F13A1: variants seen among roughly 807,000 people sequenced by gnomAD.
The protein encoded by F13A1 is FSF, A subunit.
F13A1 carries 47 observed loss-of-function variants against 80.1 expected under a neutral mutation model. The observed-to-expected ratio is 0.59, with a 90% CI of 0.46 to 0.75. F13A1 has a LOEUF of 0.75. Among genes scored for constraint, F13A1 ranks in the 30% least tolerant of loss-of-function variants. The pLI, the probability that F13A1 is intolerant of heterozygous loss-of-function variation, is 0.00. For missense variants in F13A1, 817 were observed against 930.4 expected (o/e 0.88, Z 1.59); for synonymous variants, 349 against 344.9 (o/e 1.01, Z -0.13).
Position 6,305,386 on chromosome 6 carries a change from G to T in F13A1, c.284C>A (p.Pro95His). 1 of 1,614,140 alleles carries T rather than the reference G, an allele frequency of 6.2e-7. No individual in the cohort carries two copies. Among genetic ancestry groups the T allele is most frequent in the Non-Finnish European group, 8.5e-7 (1 of 1,180,014 alleles). The change falls in exon 3 of 15, where the codon CCC (proline) becomes CAC (histidine). Residue 95 changes from proline (P) to histidine (H), a missense_variant. Pro to His is a moderately conservative substitution (Grantham distance 77). Coordinates refer to ENST00000264870, the MANE Select transcript of F13A1 (RefSeq NM_000129.4). The part of the protein sequence containing the change: ...VQIDFSRPYD[P>H]RRDLFRVEYV... ...TTCCACCCTGAAGAGATCCCTTCTGGGGTCATATGGACGACTGAAGTCAAT... is the reference window on the plus strand; with the variant it reads ...TTCCACCCTGAAGAGATCCCTTCTGTGGTCATATGGACGACTGAAGTCAAT...
At chr6:6,293,473 C>T (rs1758261325) in intron 3 of F13A1, among the ~76,000 whole-genome samples, 1 of 151,734 alleles carries the variant, frequency 6.6e-6, no homozygotes, top group Non-Finnish European at 1.5e-5. Context: ...CTGCAGACTC[C>T]CAGGGCATTT....
Position 6,266,669 on chromosome 6 carries a change from TA to T in F13A1, c.459del (p.Cys153Ter). 6.2e-7 allele frequency: 1 copy of T among 1,614,170 alleles called. No individual in the cohort carries two copies. Among genetic ancestry groups the T allele is most frequent in the Non-Finnish European group, 8.5e-7 (1 of 1,180,042 alleles). On this transcript the variant is annotated frameshift_variant, in exon 4 of 15. Transcript: ENST00000264870. LOFTEE classifies it high-confidence loss of function. Reference protein sequence around the residue: ...VRLSIQSSPKCIVGKFRMYVA... With the variant: ...VRLSIQSSPKXIVGKFRMYVA... ...ACATACATGCGGAATTTCCCCACAATACATTTGGGGGAAGACTGGATGGACA... is the reference window on the plus strand; with the variant it reads ...ACATACATGCGGAATTTCCCCACAATCATTTGGGGGAAGACTGGATGGACA...
In F13A1 at chr6:6,318,531, A is replaced by G; in HGVS notation, c.130+4T>C. On this transcript the variant is annotated splice_donor_region_variant and intron_variant, in intron 2 of 14. Coordinates refer to ENST00000264870, the MANE Select transcript of F13A1 (RefSeq NM_000129.4). ...AGTGGTGGGGAAGGGGGGTATGCTC[A>G]TACCTTGCAGGTTGACGCCCCGGGG... is the stretch of plus-strand genomic sequence containing the variant. 1.2e-6 allele frequency: 2 copies of G among 1,613,128 alleles called. No individual in the cohort carries two copies. Among genetic ancestry groups the G allele is most frequent in the Non-Finnish European group, 1.7e-6 (2 of 1,179,724 alleles).
chr6:6,184,455 C>T (rs571361131), intron 10 of F13A1, among the ~76,000 whole-genome samples: 1 of 152,312 alleles, frequency 6.6e-6, no homozygotes, highest in East Asian at 1.9e-4. Context: ...AGCCAGAACT[C>T]AGGGGTGCTA....
At chr6:6,213,323 C>T (rs1441022021) in intron 8 of F13A1, among the ~76,000 whole-genome samples, 8 of 152,006 alleles carry the variant, frequency 5.3e-5, no homozygotes, top group Admixed American at 3.3e-4. Context: ...AGACTAACAG[C>T]GGATCTCTCG....
At chr6:6,175,911 T>C (rs12210959) in intron 11 of F13A1, among the ~76,000 whole-genome samples, 28,571 of 152,162 alleles carry the variant, frequency 0.19, 3,227 homozygotes, top group Non-Finnish European at 0.27. Context: ...AGGCAGAAAA[T>C]ACAGATACAA....
chr6:6,211,118 C>G (rs574782943), intron 8 of F13A1, among the ~76,000 whole-genome samples: 100 of 152,298 alleles, frequency 6.6e-4, no homozygotes, highest in African/African-American at 2.3e-3. Context: ...TGGCTGGGAC[C>G]TTGGTTAAGT....
intron 8 of F13A1, among the ~76,000 whole-genome samples, chr6:6,207,941 C>A (rs184435817): frequency 2.0e-4 from 30 of 152,268 alleles, no homozygotes; most frequent in Admixed American, 1.9e-3. Context: ...AACAGGAAAT[C>A]TGATTTTAAG....
intron 3 of F13A1, among the ~76,000 whole-genome samples, chr6:6,280,364 G>T (rs1758043853): frequency 1.3e-5 from 2 of 152,130 alleles, no homozygotes; most frequent in African/African-American, 4.8e-5. Context: ...AGACCGTGGG[G>T]GAAGTCAACG....
chr6:6,242,878 A>G (rs1583090272), intron 6 of F13A1, among the ~76,000 whole-genome samples: 1 of 152,174 alleles, frequency 6.6e-6, no homozygotes. Flanking sequence ...TTTGAGCTAC[A>G]TTTGAGAGAT....
intron 6 of F13A1, among the ~76,000 whole-genome samples, chr6:6,227,076 A>C (rs1198904168): frequency 1.3e-5 from 2 of 152,232 alleles, no homozygotes; most frequent in African/African-American, 4.8e-5. Flanking sequence ...GGTATTATGT[A>C]AGTAGGCAAT....
At chr6:6,165,012 C>T (rs1170690101) in intron 13 of F13A1, among the ~76,000 whole-genome samples, 1 of 152,138 alleles carries the variant, frequency 6.6e-6, no homozygotes, top group African/African-American at 2.4e-5. Context: ...ACTTCTACTC[C>T]ATTTGGATTT....
intron 8 of F13A1, among the ~76,000 whole-genome samples, chr6:6,211,736 C>T (rs548467085): frequency 1.1e-4 from 16 of 152,186 alleles, no homozygotes; most frequent in African/African-American, 1.4e-4. Flanking sequence ...ACACAGAAGA[C>T]GGGTGATTTC....
intron 14 of F13A1, among the ~76,000 whole-genome samples, chr6:6,146,439 T>C (rs567757929): frequency 8.5e-5 from 13 of 152,322 alleles, no homozygotes; most frequent in Admixed American, 3.9e-4. Flanking sequence ...TAGCCTTTCA[T>C]GGTTCTAGTG....
rs1758758983 is a variant in F13A1 at position 6,320,418 on chromosome 6, G to A, written c.-19+169C>T. On this transcript the variant is annotated intron_variant, in intron 1 of 14. Coordinates refer to ENST00000264870, the MANE Select transcript of F13A1 (RefSeq NM_000129.4). ...AGAAGTCCCGCTTAGAAGCTGGGCT[G>A]GGCAGGTGCGGAGTTGGGGGCGGGA... Among the ~76,000 whole-genome samples, 2 of 152,234 alleles carry A rather than the reference G, an allele frequency of 1.3e-5. 1 individual carries two copies. The highest frequency in any genetic ancestry group is 4.1e-4 in the South Asian group (2 of 4,834).
chr6:6,263,351 T>C (rs1171166391), intron 4 of F13A1, among the ~76,000 whole-genome samples: 1 of 152,132 alleles, frequency 6.6e-6, no homozygotes, highest in African/African-American at 2.4e-5. Context: ...ATGGCCACTT[T>C]CCTCCCCTAT....
intron 8 of F13A1, among the ~76,000 whole-genome samples, chr6:6,212,144 C>A (rs766015180): frequency 1.3e-5 from 2 of 152,232 alleles, no homozygotes; most frequent in African/African-American, 2.4e-5. Flanking sequence ...GTAAACAAAG[C>A]GGCCAGGAAG....
intron 6 of F13A1, among the ~76,000 whole-genome samples, chr6:6,229,334 T>C (rs1047102724): frequency 5.9e-5 from 9 of 152,072 alleles, no homozygotes; most frequent in African/African-American, 9.7e-5. Flanking sequence ...AGGCAACAAA[T>C]TGAGGACCAA....
intron 4 of F13A1, among the ~76,000 whole-genome samples, chr6:6,262,805 G>A (rs1413557426): frequency 2.6e-5 from 4 of 151,388 alleles, no homozygotes; most frequent in African/African-American, 9.7e-5. Flanking sequence ...CTCTACTCCT[G>A]TCTCTGGAGA....
Sources: allele counts gnomAD v4.1 joint callset (sites outside exome capture counted in the v4.1 genomes callset), GRCh38; gene constraint gnomAD v4.1.1; transcripts MANE v1.5; gene names NCBI Gene and HGNC (gene_info 2026-07-23, HGNC 2026-07-21).